The following FAM81A variants were observed in gnomAD, a reference collection of about 807,000 sequenced individuals.
FAM81A encodes the protein family with sequence similarity 81 member A, also known as protein FAM81A.
FAM81A carries 19 observed loss-of-function variants against 46.7 expected under a neutral mutation model. The observed-to-expected ratio is 0.41, with a 90% CI of 0.28 to 0.60. FAM81A has a LOEUF of 0.60. FAM81A is among the 20% of genes least tolerant of loss of function. The pLI is 0.34. For synonymous variants in FAM81A, 183 were observed against 152.9 expected (o/e 1.20, Z -1.45); for missense variants, 377 against 453.5 (o/e 0.83, Z 1.53).
At chr15:59,490,419 A>T (rs2081968588) in intron 3 of FAM81A, among the ~76,000 whole-genome samples, 1 of 152,238 alleles carries the variant, frequency 6.6e-6, no homozygotes, top group Non-Finnish European at 1.5e-5. Flanking sequence ...TAATCTGTTT[A>T]AAAAATGGGC....
At position 59,492,590 on chromosome 15, in the gene FAM81A, A is replaced by G. The variant is rs528302860; in HGVS notation, c.413+201A>G. 5.3e-5 allele frequency among the ~76,000 whole-genome samples: 8 copies of G among 152,234 alleles called. No homozygotes were observed. The South Asian group carries it at 1.2e-3, about 24-fold the overall frequency. ...TGCCATGGGTTTCTTTTGTTACGCA[A>G]TTGGTGTTGTCTTCCTGGGAAGAAA... On this transcript the variant is annotated intron_variant, in intron 4 of 8. Coordinates refer to ENST00000288228, the MANE Select transcript of FAM81A (RefSeq NM_152450.3).
intron 1 of FAM81A, among the ~76,000 whole-genome samples, chr15:59,443,502 T>C (rs2081323065): frequency 6.6e-6 from 1 of 152,208 alleles, no homozygotes; most frequent in Non-Finnish European, 1.5e-5. Context: ...TCATTCTGTC[T>C]CTCGTGAACC....
intron 1 of FAM81A, among the ~76,000 whole-genome samples, chr15:59,447,030 T>C (rs1344010136): frequency 1.3e-5 from 2 of 152,238 alleles, no homozygotes; most frequent in Non-Finnish European, 2.9e-5. Flanking sequence ...TGTGTAATTG[T>C]GAAAATAGCA....
upstream of FAM81A, among the ~76,000 whole-genome samples, chr15:59,436,437 G>A (rs142175018): frequency 0.01 from 1,572 of 152,258 alleles, 20 homozygotes; most frequent in African/African-American, 0.032. Flanking sequence ...GGAAAGGGTA[G>A]AGTAATAAGA....
upstream of FAM81A, among the ~76,000 whole-genome samples, chr15:59,437,486 G>C (rs1172030403): frequency 6.6e-6 from 1 of 152,122 alleles, no homozygotes; most frequent in Non-Finnish European, 1.5e-5. Context: ...GCTGGGAGGG[G>C]ATGAAGCTGA....
At chr15:59,452,389 G>A (rs1596481759) in intron 1 of FAM81A, among the ~76,000 whole-genome samples, 1 of 152,234 alleles carries the variant, frequency 6.6e-6, no homozygotes, top group East Asian at 1.9e-4. Context: ...GCTCACGCCT[G>A]TAATTCCAGC....
At chr15:59,401,805 A>G in intron 1 of FAM81A, 1 of 723,042 alleles carries the variant, frequency 1.4e-6, no homozygotes, top group South Asian at 1.5e-5. Flanking sequence ...CTTTTCATGC[A>G]TCTTGATAGT....
intron 4 of FAM81A, among the ~76,000 whole-genome samples, chr15:59,505,796 A>G (rs1405345180): frequency 6.6e-6 from 1 of 152,206 alleles, no homozygotes; most frequent in Non-Finnish European, 1.5e-5. Flanking sequence ...CTACGAGACA[A>G]AGAGCATTTA....
chr15:59,441,886 C>G (rs1170236602), intron 1 of FAM81A, among the ~76,000 whole-genome samples: 4 of 152,210 alleles, frequency 2.6e-5, no homozygotes, highest in Non-Finnish European at 4.4e-5. Flanking sequence ...CACCTCTGAG[C>G]CCGCAGTAGT....
intron 8 of FAM81A, among the ~76,000 whole-genome samples, chr15:59,517,731 A>G (rs963687893): frequency 1.8e-4 from 27 of 152,236 alleles, no homozygotes; most frequent in African/African-American, 6.5e-4. Flanking sequence ...AATTAAATAT[A>G]TGAATTGGAG....
chr15:59,493,574 C>T (rs1206280665), intron 4 of FAM81A, among the ~76,000 whole-genome samples: 1 of 151,962 alleles, frequency 6.6e-6, no homozygotes, highest in Non-Finnish European at 1.5e-5. Context: ...CCTAGCATGC[C>T]TTTCCTCCTC....
chr15:59,507,165 T>C (rs201728315), intron 4 of FAM81A, 48 bp from the exon 5 acceptor site: 4 of 1,572,300 alleles, frequency 2.5e-6, no homozygotes, highest in Non-Finnish European at 3.5e-6. Flanking sequence ...CTTTTGCGCA[T>C]TGTTTTTAAA....
At chr15:59,412,078 G>T (rs187587845) in intron 2 of FAM81A, among the ~76,000 whole-genome samples, 1 of 151,956 alleles carries the variant, frequency 6.6e-6, no homozygotes, top group Non-Finnish European at 1.5e-5. Context: ...GAGGGGCAGA[G>T]GGGAGAGGCC....
At chr15:59,427,304 T>C (rs2081199099) in intron 2 of FAM81A, among the ~76,000 whole-genome samples, 1 of 151,918 alleles carries the variant, frequency 6.6e-6, no homozygotes, top group African/African-American at 2.4e-5. Context: ...AGAGACGGGG[T>C]TTCTCCATGT....
rs142325750 is a variant in FAM81A, at chr15:59,429,126, G to C, written c.-78+26768G>C. 6.4e-4 allele frequency among the ~76,000 whole-genome samples: 97 copies of C among 152,282 alleles called. 2 individuals carry two copies. In the East Asian group the frequency reaches 0.015, roughly 23 times the overall value. ...AATAAGTTTCCCTCAGGATTTTAAA[G>C]GTACTATTCTTTCTTCAACTGCTAA... is the stretch of plus-strand genomic sequence containing the variant. On this transcript the variant is annotated intron_variant, in intron 2 of 4. Transcript: ENST00000558348.
At chr15:59,486,013 T>C (rs1477873612) in intron 3 of FAM81A, among the ~76,000 whole-genome samples, 1 of 152,096 alleles carries the variant, frequency 6.6e-6, no homozygotes, top group Non-Finnish European at 1.5e-5. Flanking sequence ...ACCCCATCTG[T>C]ACTAAAAATA....
intron 6 of FAM81A, among the ~76,000 whole-genome samples, chr15:59,512,702 T>C (rs539931445): frequency 6.6e-6 from 1 of 152,276 alleles, no homozygotes; most frequent in East Asian, 1.9e-4. Flanking sequence ...GCTTCCATGC[T>C]GGCTCTCACA....
intron 6 of FAM81A, among the ~76,000 whole-genome samples, chr15:59,512,440 C>A (rs1417388586): frequency 1.4e-5 from 2 of 141,964 alleles, no homozygotes; most frequent in Non-Finnish European, 3.0e-5. Context: ...CCACTGTACT[C>A]CAGCCTGGGC....
intron 4 of FAM81A, among the ~76,000 whole-genome samples, chr15:59,496,083 T>G (rs2082030178): frequency 6.6e-6 from 1 of 152,218 alleles, no homozygotes; most frequent in Non-Finnish European, 1.5e-5. Context: ...TTTAAGAAAC[T>G]CTTGCCTAAT....
Sources: gnomAD v4.1 joint callset for allele counts (sites outside exome capture counted in the v4.1 genomes callset) on GRCh38, gnomAD v4.1.1 for gene constraint, MANE v1.5 for transcripts, NCBI Gene and HGNC (gene_info 2026-07-23, HGNC 2026-07-21) for gene names.